Variants in GAN observed in about 807,000 individuals in gnomAD.
GAN encodes the protein gigaxonin.
A neutral mutation model predicts 71.3 loss-of-function variants in GAN; 48 were observed. That is an observed-to-expected ratio of 0.67 (90% confidence interval 0.53 to 0.86). The LOEUF (loss-of-function observed/expected upper bound fraction) is 0.86, where lower values mean the gene tolerates loss of function less well. Ranked by LOEUF, GAN falls within the 40% of genes least tolerant of loss-of-function variation. The pLI, the probability that GAN is intolerant of heterozygous loss-of-function variation, is 0.00. For missense variants in GAN, 928 were observed against 770.1 expected (o/e 1.21, Z -2.43); for synonymous variants, 386 against 276.8 (o/e 1.39, Z -3.92).
intron 6 of GAN, among the ~76,000 whole-genome samples, 154 bp from the exon 7 acceptor site, chr16:81,363,640 G>A (rs1326699637): frequency 6.6e-6 from 1 of 152,172 alleles, no homozygotes; most frequent in Non-Finnish European, 1.5e-5. Context: ...TAGTGTTTCA[G>A]CCCTTGCTCC....
Position 81,373,002 on chromosome 16 carries a change from T to C in GAN, c.1503-4217T>C, listed in dbSNP as rs1911083625. 3.9e-5 allele frequency among the ~76,000 whole-genome samples: 6 copies of C among 152,370 alleles called. No individual in the cohort carries two copies. In the South Asian group the frequency reaches 1.2e-3, roughly 32 times the overall value. On this transcript the variant is annotated intron_variant, in intron 9 of 10. Coordinates refer to ENST00000648994, the MANE Select transcript of GAN (RefSeq NM_022041.4). Reference sequence around the variant, plus strand: ...AGATGTTAGTTGAATCAAATGTAGATGAACGGCTTTAGAAACATGGTGCTT... The same window carrying C: ...AGATGTTAGTTGAATCAAATGTAGACGAACGGCTTTAGAAACATGGTGCTT...
At chr16:81,351,078 A>C (rs1028429833) in intron 1 of GAN, among the ~76,000 whole-genome samples, 2 of 152,266 alleles carry the variant, frequency 1.3e-5, no homozygotes, top group Non-Finnish European at 2.9e-5. Flanking sequence ...TCACGGATGC[A>C]GTAATAAAGC....
At chr16:81,330,486 AAGAT>A (rs1909539516) in intron 1 of GAN, among the ~76,000 whole-genome samples, 1 of 152,248 alleles carries the variant, frequency 6.6e-6, no homozygotes, top group African/African-American at 2.4e-5. Context: ...TCCAGATAAT[AAGAT>A]AAACACCCAT....
chr16:81,331,154 G>T (rs1182819447), intron 1 of GAN, among the ~76,000 whole-genome samples: 1 of 152,212 alleles, frequency 6.6e-6, no homozygotes, highest in East Asian at 1.9e-4. Context: ...GCAGTGATCT[G>T]TGCTCGCACC....
chr16:81,367,025 A>G (rs1396118663), intron 9 of GAN, among the ~76,000 whole-genome samples: 3 of 151,626 alleles, frequency 2.0e-5, no homozygotes, highest in Admixed American at 1.3e-4. Context: ...GGGTTTCACT[A>G]TGTTTTCCAG....
Position 81,388,210 on chromosome 16 carries a change from T to G in GAN, c.*10614T>G, listed in dbSNP as rs1317206810. On this transcript the variant is annotated 3_prime_UTR_variant, in exon 11 of 11. Transcript: ENST00000648994. ...CCTCTGCTCCTCTGTCCCAACCCTC[T>G]TCCAGCCTGGTTTTTTTACTGCTTG... 6.6e-6 allele frequency: 1 copy of G among 150,536 alleles called. No individual in the cohort carries two copies. The highest frequency in any genetic ancestry group is 1.5e-5 in the Non-Finnish European group (1 of 67,762). The allele number at this position is 150,536 out of a possible 1,614,324, so 9.3% of individuals were successfully genotyped here.
intron 1 of GAN, among the ~76,000 whole-genome samples, chr16:81,336,555 C>A (rs1240052289): frequency 6.6e-6 from 1 of 152,126 alleles, no homozygotes; most frequent in Non-Finnish European, 1.5e-5. Context: ...CCTCGACCTA[C>A]TGGGCTCAAG....
chr16:81,345,485 C>G (rs1370475812), intron 1 of GAN, among the ~76,000 whole-genome samples: 1 of 152,152 alleles, frequency 6.6e-6, no homozygotes, highest in Non-Finnish European at 1.5e-5. Flanking sequence ...TCTCAGCAAA[C>G]TGTCACAAGA....
intron 1 of GAN, among the ~76,000 whole-genome samples, chr16:81,335,656 A>G (rs1232744991): frequency 6.6e-6 from 1 of 151,246 alleles, no homozygotes; most frequent in African/African-American, 2.4e-5. Flanking sequence ...CTGAGGCAGG[A>G]GAATCGCTTG....
rs193052347 is a variant in GAN, at chr16:81,342,023, G to A, written c.168-9560G>A. On this transcript the variant is annotated intron_variant, in intron 1 of 10. Coordinates refer to ENST00000648994, the MANE Select transcript of GAN (RefSeq NM_022041.4). ...ACAGACTTTAAACCAACAAAGATCA[G>A]AAGAGACAAAGAAGGCCATTACATA... Among the ~76,000 whole-genome samples the A allele has an allele frequency of 1.1e-3, 162 of 152,192 alleles. 1 individual carries two copies. Among genetic ancestry groups the A allele is most frequent in the Admixed American group, 9.7e-3 (148 of 15,286 alleles).
intron 5 of GAN, 25 bp from the exon 6 acceptor site, chr16:81,362,474 T>C: frequency 8.2e-7 from 1 of 1,219,134 alleles, no homozygotes; most frequent in South Asian, 1.2e-5. Context: ...ACATTTCATA[T>C]TTGTGTTTCC....
At chr16:81,334,474 A>C (rs544497721) in intron 1 of GAN, among the ~76,000 whole-genome samples, 2 of 152,194 alleles carry the variant, frequency 1.3e-5, no homozygotes. Context: ...GGCAGGGCAC[A>C]TGTGGTATTG....
At chr16:81,361,822 G>A (rs1484784680) in intron 5 of GAN, among the ~76,000 whole-genome samples, 2 of 152,038 alleles carry the variant, frequency 1.3e-5, no homozygotes, top group Admixed American at 6.6e-5. Context: ...AGCCTCCTGA[G>A]TAGTTGAGAC....
At chr16:81,367,579 A>G (rs567349108) in intron 9 of GAN, among the ~76,000 whole-genome samples, 1 of 152,308 alleles carries the variant, frequency 6.6e-6, no homozygotes, top group South Asian at 2.1e-4. Context: ...TCAGTTCCTT[A>G]TTTCTAAGCT....
At chr16:81,367,493 C>A (rs1910898708) in intron 9 of GAN, among the ~76,000 whole-genome samples, 1 of 152,160 alleles carries the variant, frequency 6.6e-6, no homozygotes, top group African/African-American at 2.4e-5. Flanking sequence ...TGTGTCACTG[C>A]ACTCCAGCCT....
chr16:81,333,393 T>C (rs546661580), intron 1 of GAN, among the ~76,000 whole-genome samples: 5 of 152,316 alleles, frequency 3.3e-5, no homozygotes, highest in Admixed American at 6.5e-5. Flanking sequence ...TTCTGTTTTA[T>C]AACCCGGTCC....
At chr16:81,342,738 A>C (rs1909986924) in intron 1 of GAN, among the ~76,000 whole-genome samples, 1 of 152,242 alleles carries the variant, frequency 6.6e-6, no homozygotes, top group African/African-American at 2.4e-5. Flanking sequence ...AAGCAAGAGC[A>C]AACACATTCA....
chr16:81,344,292 C>T (rs779690935), intron 1 of GAN, among the ~76,000 whole-genome samples: 8 of 152,110 alleles, frequency 5.3e-5, no homozygotes, highest in Admixed American at 2.6e-4. Flanking sequence ...AAAAAGAGCC[C>T]GCATAGCCAA....
intron 9 of GAN, among the ~76,000 whole-genome samples, chr16:81,372,461 G>A (rs1004334815): frequency 5.3e-5 from 8 of 152,224 alleles, no homozygotes; most frequent in Non-Finnish European, 1.2e-4. Context: ...TAAATGACAT[G>A]TAAAACCTCA....
Sources: allele counts gnomAD v4.1 joint callset (sites outside exome capture counted in the v4.1 genomes callset), GRCh38; gene constraint gnomAD v4.1.1; transcripts MANE v1.5; gene names NCBI Gene and HGNC (gene_info 2026-07-23, HGNC 2026-07-21).